The following VWA8 variants were observed in gnomAD, a reference collection of about 807,000 sequenced individuals.
VWA8 encodes the protein von Willebrand factor A domain containing 8.
VWA8 carries 221 observed loss-of-function variants against 241.5 expected under a neutral mutation model. The ratio of observed to expected loss-of-function variants is 0.91; its 90% CI spans 0.82 to 1.02. The LOEUF (loss-of-function observed/expected upper bound fraction) is 1.02, where lower values mean the gene tolerates loss of function less well. VWA8 is among the 50% of genes least tolerant of loss of function. The pLI, the probability that VWA8 is intolerant of heterozygous loss-of-function variation, is 0.00. For missense variants in VWA8, 2,322 were observed against 2,328.7 expected, an observed-to-expected ratio of 1.00 and a Z score of 0.06; for synonymous variants, 852 against 827.1, an observed-to-expected ratio of 1.03 and a Z score of -0.52.
In VWA8 at chr13:41,834,335, G is replaced by A. The variant is rs1403848192; in HGVS notation, c.1426-804C>T. 3.9e-5 allele frequency among the ~76,000 whole-genome samples: 6 copies of A among 152,104 alleles called. No homozygotes were observed. The East Asian group carries it at 5.8e-4, about 15-fold the overall frequency. Reference sequence around the variant, plus strand: ...TATCACCTTCAGATACATTTTGTGCGACTTATAGCAAAGAAAAGTTAAACA... The same window carrying A: ...TATCACCTTCAGATACATTTTGTGCAACTTATAGCAAAGAAAAGTTAAACA... On this transcript the variant is annotated intron_variant, in intron 12 of 44. Transcript: ENST00000379310.
chr13:41,690,223 A>G lies in VWA8; in HGVS notation c.3919T>C (p.Cys1307Arg), dbSNP rs772435341. Residue 1307 changes from cysteine to arginine, a missense_variant, in exon 33 of 45, where the codon TGC (cysteine) becomes CGC (arginine). By Grantham distance (180) the Cys-to-Arg change is radical. Coordinates refer to ENST00000379310, the MANE Select transcript of VWA8 (RefSeq NM_015058.2). The stretch of plus-strand genomic sequence containing the variant: ...TCCTCTTTCAGCACATACAACTGGC[A>G]AACCCCACTACCCTCAGATTCGATG... ...AHIESEGSGV[C>R]QLYVLKEEPP... The G allele has an allele frequency of 3.7e-6, 6 of 1,612,774 alleles. 1 individual carries two copies. In the South Asian group the frequency reaches 6.6e-5, roughly 18 times the overall value.
intron 17 of VWA8, among the ~76,000 whole-genome samples, chr13:41,810,368 G>A (rs77321750): frequency 6.6e-6 from 1 of 152,000 alleles, no homozygotes; most frequent in Admixed American, 6.6e-5. Context: ...AGATTCGGAG[G>A]CAACCTAAGT....
At chr13:41,670,601 G>A (rs1199391635) in intron 37 of VWA8, among the ~76,000 whole-genome samples, 3 of 152,070 alleles carry the variant, frequency 2.0e-5, no homozygotes, top group African/African-American at 7.2e-5. Context: ...ATGTAGAGAT[G>A]CTGACACTGA....
chr13:41,914,200 A>G (rs1436214945), intron 2 of VWA8, among the ~76,000 whole-genome samples: 1 of 152,224 alleles, frequency 6.6e-6, no homozygotes, highest in African/African-American at 2.4e-5. Flanking sequence ...CTCTAAAAGG[A>G]CACAGTACAT....
At chr13:41,723,793 G>A (rs1050502925) in intron 24 of VWA8, among the ~76,000 whole-genome samples, 1 of 152,118 alleles carries the variant, frequency 6.6e-6, no homozygotes, top group Non-Finnish European at 1.5e-5. Flanking sequence ...CTGGAAGCTG[G>A]ATATGAGTGT....
intron 14 of VWA8, among the ~76,000 whole-genome samples, chr13:41,819,787 T>C (rs925281673): frequency 1.3e-5 from 2 of 152,128 alleles, no homozygotes; most frequent in Admixed American, 1.3e-4. Context: ...AGGAACCCAC[T>C]CTATGTCAAT....
At chr13:41,840,756 C>CAAA (rs35181218) in intron 12 of VWA8, among the ~76,000 whole-genome samples, 1 of 107,576 alleles carries the variant, frequency 9.3e-6, no homozygotes, top group Non-Finnish European at 1.9e-5. Context: ...GAGACCGTCT[C>CAAA]AAAAAAAAAA....
In VWA8 at chr13:41,633,442, G is replaced by A. The variant is rs536882247; in HGVS notation, c.4612-18358C>T. Reference sequence around the variant, plus strand: ...GCTGTGTCAAAGCCACAGAATGACCGCAGTGGTATATAAGCCACCAATAAC... The same window carrying A: ...GCTGTGTCAAAGCCACAGAATGACCACAGTGGTATATAAGCCACCAATAAC... On this transcript the variant is annotated intron_variant, in intron 37 of 44. Coordinates refer to ENST00000379310, the MANE Select transcript of VWA8 (RefSeq NM_015058.2). 6.9e-4 allele frequency among the ~76,000 whole-genome samples: 105 copies of A among 152,274 alleles called. 1 individual carries two copies. The highest frequency in any genetic ancestry group is 2.4e-3 in the African/African-American group (99 of 41,536).
intron 16 of VWA8, among the ~76,000 whole-genome samples, chr13:41,812,050 T>C (rs955654707): frequency 1.3e-5 from 2 of 152,160 alleles, no homozygotes; most frequent in Admixed American, 6.6e-5. Flanking sequence ...CTGTGTTACC[T>C]TGGCAAATTA....
At chr13:41,870,689 G>C (rs778659232) in intron 9 of VWA8, among the ~76,000 whole-genome samples, 20 of 149,852 alleles carry the variant, frequency 1.3e-4, no homozygotes, top group Non-Finnish European at 2.1e-4. Context: ...TTAAATTCTA[G>C]GAAAACAAAT....
Position 41,887,263 on chromosome 13 carries a change from C to G in VWA8, c.750G>C (p.Gly250=), listed in dbSNP as rs1341548706. The change falls in exon 6 of 45, where the codon GGG becomes GGC. Residue 250 remains glycine (G), a synonymous_variant. Coordinates refer to ENST00000379310, the MANE Select transcript of VWA8 (RefSeq NM_015058.2). ...ALGLPVPRYS[G]NPLDPPLRSR... is the part of the protein sequence containing the mutation. ...AACGAAGAGGGGGGTCTAATGGATT[C>G]CCAGAATACCTTGGCACTGGCAAGC... 6.2e-7 allele frequency: 1 copy of G among 1,613,696 alleles called. No individual in the cohort carries two copies. Among genetic ancestry groups the G allele is most frequent in the South Asian group, 1.1e-5 (1 of 91,030 alleles).
At chr13:41,754,470 C>G (rs1048422343) in intron 21 of VWA8, among the ~76,000 whole-genome samples, 3 of 152,024 alleles carry the variant, frequency 2.0e-5, no homozygotes, top group African/African-American at 7.2e-5. Flanking sequence ...CAGACTAATA[C>G]AGGTACATTA....
chr13:41,862,601 C>G (rs1297835670), intron 12 of VWA8, among the ~76,000 whole-genome samples: 1 of 152,126 alleles, frequency 6.6e-6, no homozygotes, highest in Non-Finnish European at 1.5e-5. Context: ...AACAACCCCA[C>G]TTAAAAAATT....
intron 17 of VWA8, among the ~76,000 whole-genome samples, chr13:41,793,695 A>T (rs554686862): frequency 6.6e-6 from 1 of 152,308 alleles, no homozygotes; most frequent in South Asian, 2.1e-4. Context: ...GCACGCCTGT[A>T]GCTCCAGCTA....
At chr13:41,821,444 T>C (rs370401089) in intron 14 of VWA8, among the ~76,000 whole-genome samples, 5 of 152,180 alleles carry the variant, frequency 3.3e-5, no homozygotes, top group Admixed American at 1.3e-4. Flanking sequence ...CATTTCCTGA[T>C]GATGCTAGCT....
intron 20 of VWA8, among the ~76,000 whole-genome samples, chr13:41,772,469 A>C (rs558416514): frequency 9.7e-4 from 74 of 76,554 alleles, no homozygotes; most frequent in Admixed American, 6.7e-3. Context: ...AACAAACAAA[A>C]AAAAAATCAG....
At chr13:41,640,234 A>C (rs1295577669) in intron 37 of VWA8, among the ~76,000 whole-genome samples, 3 of 152,202 alleles carry the variant, frequency 2.0e-5, no homozygotes, top group African/African-American at 7.2e-5. Flanking sequence ...AGCAGGAGCA[A>C]AGCAATGTCC....
rs149107229 is a variant in VWA8 at position 41,611,449 on chromosome 13, C to A, written c.4877+127G>T. ...TAGGGACGGGGATGGCTGTGGATTT[C>A]AGTTTGAGGTCCGAGTTGCTGCATG... On this transcript the variant is annotated intron_variant, in intron 39 of 44. Coordinates refer to ENST00000379310, the MANE Select transcript of VWA8 (RefSeq NM_015058.2). 8.1e-3 allele frequency: 10,293 copies of A among 1,278,130 alleles called. 55 individuals carry two copies. The highest frequency in any genetic ancestry group is 9.1e-3 in the Non-Finnish European group (8,588 of 941,216). The allele number at this position is 1,278,130 out of a possible 1,614,324, so 79.2% of individuals were successfully genotyped here.
chr13:41,839,846 C>T (rs1871913041), intron 12 of VWA8, among the ~76,000 whole-genome samples: 1 of 152,142 alleles, frequency 6.6e-6, no homozygotes, highest in African/African-American at 2.4e-5. Context: ...ATTGTCTTGG[C>T]TATACGGGCT....
Sources: gnomAD v4.1 joint callset for allele counts (sites outside exome capture counted in the v4.1 genomes callset) on GRCh38, gnomAD v4.1.1 for gene constraint, MANE v1.5 for transcripts, NCBI Gene and HGNC (gene_info 2026-07-23, HGNC 2026-07-21) for gene names.